UGT1A4: variants seen among roughly 807,000 people sequenced by gnomAD.
UGT1A4 encodes UDP glucuronosyltransferase family 1 member A4.
In UGT1A4, 32 loss-of-function variants were observed where a neutral mutation model predicts 41.1. The observed-to-expected ratio is 0.78, with a 90% CI of 0.59 to 1.05. UGT1A4 has a LOEUF of 1.05. UGT1A4 is among the 50% of genes least tolerant of loss of function. The probability of loss-of-function intolerance (pLI) is 0.00; values close to 1 mark genes in which losing one functional copy is unlikely to be tolerated. For synonymous variants in UGT1A4, 283 were observed against 265.1 expected, an observed-to-expected ratio of 1.07 and a Z score of -0.66; for missense variants, 748 against 677.4, an observed-to-expected ratio of 1.10 and a Z score of -1.16.
chr2:233,759,804 G>A (rs35746348), intron 1 of UGT1A4, among the ~76,000 whole-genome samples: 153 of 152,314 alleles, frequency 1.0e-3, no homozygotes, highest in African/African-American at 3.5e-3. Context: ...ATACAAGTGA[G>A]CAGGCAGTAC....
chr2:233,751,619 A>G (rs765633655), intron 1 of UGT1A4, among the ~76,000 whole-genome samples: 10 of 152,142 alleles, frequency 6.6e-5, no homozygotes, highest in Non-Finnish European at 1.3e-4. Flanking sequence ...AGGTGATTGG[A>G]TCATGTGTGC....
At chr2:233,751,090 G>C (rs1035981747) in intron 1 of UGT1A4, among the ~76,000 whole-genome samples, 2 of 151,962 alleles carry the variant, frequency 1.3e-5, no homozygotes, top group African/African-American at 2.4e-5. Context: ...GCAGCCAGGA[G>C]GAGGGCTTTG....
chr2:233,758,584 G>A (rs1696918443), intron 1 of UGT1A4, among the ~76,000 whole-genome samples: 1 of 152,180 alleles, frequency 6.6e-6, no homozygotes. Context: ...AAGAGTGTTT[G>A]GGTGTGGGGA....
At chr2:233,732,423 T>C (rs1232820803) in intron 1 of UGT1A4, among the ~76,000 whole-genome samples, 1 of 152,264 alleles carries the variant, frequency 6.6e-6, no homozygotes, top group Non-Finnish European at 1.5e-5. Context: ...GGTTTTCTTC[T>C]AGGATTTTTA....
chr2:233,748,097 C>T (rs1693865364), intron 1 of UGT1A4: 9 of 1,612,658 alleles, frequency 5.6e-6, no homozygotes, highest in Admixed American at 1.7e-5. Flanking sequence ...TTCGTGCCTT[C>T]ATCCAATCAA....
chr2:233,738,641 GCT>G (rs1690860482), intron 1 of UGT1A4, among the ~76,000 whole-genome samples: 1 of 152,206 alleles, frequency 6.6e-6, no homozygotes, highest in Non-Finnish European at 1.5e-5. Flanking sequence ...CTGCCCTAGA[GCT>G]CTTTGGAACT....
chr2:233,765,343 C>G (rs189255390), intron 1 of UGT1A4, among the ~76,000 whole-genome samples: 22 of 152,252 alleles, frequency 1.4e-4, no homozygotes, highest in African/African-American at 5.3e-4. Flanking sequence ...ATAACAAAGT[C>G]ATGGAACCAA....
Position 233,772,514 on chromosome 2 carries a change from GA to G in UGT1A4, c.1566del (p.Arg524GlufsTer22). ...CAYGYRKCLG[K>X]KGRVKKAHKS... ...CTTATGGCTACCGGAAATGCTTGGGGAAAAAAGGGCGAGTTAAGAAAGCCCA... is the reference window on the plus strand; with the variant it reads ...CTTATGGCTACCGGAAATGCTTGGGGAAAAAGGGCGAGTTAAGAAAGCCCA... On this transcript the variant is annotated frameshift_variant, in exon 5 of 5. Coordinates refer to ENST00000373409, the MANE Select transcript of UGT1A4 (RefSeq NM_007120.3). LOFTEE classifies it high-confidence loss of function. 6.2e-7 allele frequency: 1 copy of G among 1,614,126 alleles called. No individual in the cohort carries two copies. Among genetic ancestry groups the G allele is most frequent in the Non-Finnish European group, 8.5e-7 (1 of 1,180,014 alleles).
At chr2:233,756,340 T>C (rs1696187802) in intron 1 of UGT1A4, 1 of 152,248 alleles carries the variant, frequency 6.6e-6, no homozygotes, top group Non-Finnish European at 1.5e-5. Flanking sequence ...AGTCATCTCT[T>C]GATTACTTTT....
At chr2:233,725,607 T>C (rs2077462497) in intron 1 of UGT1A4, among the ~76,000 whole-genome samples, 1 of 152,174 alleles carries the variant, frequency 6.6e-6, no homozygotes, top group African/African-American at 2.4e-5. Context: ...TAGTTTTTTC[T>C]TGCTAAGTCT....
At chr2:233,721,896 G>T in intron 1 of UGT1A4, 1 of 474,320 alleles carries the variant, frequency 2.1e-6, no homozygotes, top group South Asian at 1.5e-5. Flanking sequence ...TTGCAATATC[G>T]AAATGGTGCA....
intron 1 of UGT1A4, chr2:233,755,013 G>T: frequency 3.1e-6 from 4 of 1,294,530 alleles, no homozygotes; most frequent in Non-Finnish European, 4.2e-6. Flanking sequence ...CTACTCGAAG[G>T]GGTCCTTGAA....
At chr2:233,765,903 C>A (rs906451235) in intron 1 of UGT1A4, among the ~76,000 whole-genome samples, 6 of 152,044 alleles carry the variant, frequency 3.9e-5, no homozygotes, top group African/African-American at 1.5e-4. Flanking sequence ...ACTGCTCAAA[C>A]CTCTAGGGGA....
Position 233,719,592 on chromosome 2 carries a change from C to T in UGT1A4, c.772C>T (p.Arg258Ter), listed in dbSNP as rs201293328. ...CAGCTATGCATCCGTGTGGCTGTTCCGAGGGGACTTTGTGATGGACTACCC... is the reference window on the plus strand; with the variant it reads ...CAGCTATGCATCCGTGTGGCTGTTCTGAGGGGACTTTGTGATGGACTACCC... Reference protein sequence around the residue: ...LVSYASVWLFRGDFVMDYPRP... With the variant: ...LVSYASVWLF Residue 258 changes from arginine (R) to a stop codon, truncating the protein, a stop_gained, in exon 1 of 5, where the codon CGA (arginine) becomes TGA (stop). Coordinates refer to ENST00000373409, the MANE Select transcript of UGT1A4 (RefSeq NM_007120.3). LOFTEE classifies it high-confidence loss of function. 1.0e-4 allele frequency: 161 copies of T among 1,613,882 alleles called. No individual in the cohort carries two copies. Among genetic ancestry groups the T allele is most frequent in the Non-Finnish European group, 1.2e-4 (144 of 1,179,884 alleles).
chr2:233,758,800 G>A (rs970637590), intron 1 of UGT1A4, among the ~76,000 whole-genome samples: 4 of 152,152 alleles, frequency 2.6e-5, no homozygotes, highest in African/African-American at 9.7e-5. Flanking sequence ...TCTTGGAATT[G>A]TATAGTACAG....
At position 233,769,662 on chromosome 2, in the gene UGT1A4, G is replaced by A; in HGVS notation, c.1307+1223G>A. 1 of 1,599,484 alleles carries A rather than the reference G, an allele frequency of 6.3e-7. No individual in the cohort carries two copies. The highest frequency in any genetic ancestry group is 8.5e-7 in the Non-Finnish European group (1 of 1,173,496). On this transcript the variant is annotated intron_variant, in intron 4 of 4. Transcript: ENST00000373409. The surrounding 1 kb of genome is among the most constrained non-coding windows in gnomAD (Gnocchi z 4.4). ...GACTGATGACTGACTTCCCACCTTT[G>A]AGGTGCTAATGTGTGTGTGGTGGCA...
At chr2:233,720,767 C>A (rs550051357) in intron 1 of UGT1A4, among the ~76,000 whole-genome samples, 2 of 150,844 alleles carry the variant, frequency 1.3e-5, no homozygotes, top group East Asian at 3.9e-4. Flanking sequence ...GGGCAGTGGC[C>A]GGATCTCCGC....
chr2:233,753,704 T>C (rs1413802728), intron 1 of UGT1A4: 3 of 152,228 alleles, frequency 2.0e-5, no homozygotes, highest in Non-Finnish European at 4.4e-5. Flanking sequence ...TGCACTTGGC[T>C]TTCATCAACC....
rs936360060 is a variant in UGT1A4 at position 233,744,308 on chromosome 2, A to G, written c.868-22726A>G. On this transcript the variant is annotated intron_variant, in intron 1 of 4. Coordinates refer to ENST00000373409, the MANE Select transcript of UGT1A4 (RefSeq NM_007120.3). Reference sequence around the variant, plus strand: ...GTCTTTTTCCTCGGCCACAGGAGGGAAGAGGGTGGTGGGAGTGAGTTTAGT... The same window carrying G: ...GTCTTTTTCCTCGGCCACAGGAGGGGAGAGGGTGGTGGGAGTGAGTTTAGT... Among the ~76,000 whole-genome samples, 68 of 151,726 alleles carry G rather than the reference A, an allele frequency of 4.5e-4. 2 individuals are homozygous for G. The highest frequency in any genetic ancestry group is 1.7e-3 in the African/African-American group (68 of 41,046).
Sources: gnomAD v4.1 joint callset for allele counts (sites outside exome capture counted in the v4.1 genomes callset) on GRCh38, gnomAD v4.1.1 for gene constraint, Gnocchi (gnomAD v3.1) non-coding constraint, MANE v1.5 for transcripts, NCBI Gene and HGNC (gene_info 2026-07-23, HGNC 2026-07-21) for gene names.